Variants in HERC4 observed in about 807,000 individuals in gnomAD.
The protein encoded by HERC4 is HECT and RLD domain containing E3 ubiquitin protein ligase 4.
Under a neutral mutation model 124.3 loss-of-function variants are expected in HERC4, and 28 were observed. The ratio of observed to expected loss-of-function variants is 0.23; its 90% CI spans 0.17 to 0.31. The LOEUF (loss-of-function observed/expected upper bound fraction) is 0.31. Among genes scored for constraint, HERC4 ranks in the 10% least tolerant of loss-of-function variants. The pLI, the probability that HERC4 is intolerant of heterozygous loss-of-function variation, is 1.00. For missense variants in HERC4, 713 were observed against 1,229.3 expected (o/e 0.58, Z 6.28); for synonymous variants, 407 against 421.5 (o/e 0.97, Z 0.42).
intron 15 of HERC4, among the ~76,000 whole-genome samples, chr10:67,971,035 A>G (rs1253104926): frequency 6.6e-6 from 1 of 152,098 alleles, no homozygotes; most frequent in East Asian, 1.9e-4. Context: ...ACAATTTACC[A>G]CTATCAGGAA....
chr10:68,038,597 T>TTC (rs1452445133), intron 4 of HERC4, among the ~76,000 whole-genome samples: 1 of 152,200 alleles, frequency 6.6e-6, no homozygotes, highest in Non-Finnish European at 1.5e-5. Flanking sequence ...TTAATGCACG[T>TTC]TCTCCTTTAT....
chr10:68,064,602 G>GA (rs1338077046), intron 3 of HERC4, among the ~76,000 whole-genome samples: 1 of 144,110 alleles, frequency 6.9e-6, no homozygotes, highest in Non-Finnish European at 1.5e-5. Context: ...AAAAGAAAAA[G>GA]AAAAAAAGAC....
chr10:67,936,858 A>C (rs898025032), intron 21 of HERC4, among the ~76,000 whole-genome samples: 2 of 152,104 alleles, frequency 1.3e-5, no homozygotes, highest in Non-Finnish European at 2.9e-5. Context: ...AAATACTATG[A>C]TGGGAGTGGG....
Position 68,054,988 on chromosome 10 carries a change from T to C in HERC4, c.227-10425A>G, listed in dbSNP as rs542831726. ...CCCAGGCTGGAGTGCAGTGGCACGA[T>C]CTCGGCTCACTGCAACCTCCAGCTC... On this transcript the variant is annotated intron_variant, in intron 3 of 24. Coordinates refer to ENST00000373700, the MANE Select transcript of HERC4 (RefSeq NM_015601.4). 7.3e-4 allele frequency among the ~76,000 whole-genome samples: 111 copies of C among 152,362 alleles called. 1 individual carries two copies. In the South Asian group the frequency reaches 0.014, roughly 19 times the overall value.
chr10:67,960,045 G>A (rs1009254140), intron 16 of HERC4, among the ~76,000 whole-genome samples: 2 of 152,140 alleles, frequency 1.3e-5, no homozygotes, highest in African/African-American at 2.4e-5. Flanking sequence ...TTTGCCTGGC[G>A]CTTTAGCCAC....
At position 68,072,381 on chromosome 10, in the gene HERC4, G is replaced by T. The variant is rs560986722; in HGVS notation, c.226+502C>A. Among the ~76,000 whole-genome samples the T allele has an allele frequency of 1.1e-3, 160 of 152,136 alleles. 1 individual carries two copies. The highest frequency in any genetic ancestry group is 3.5e-3 in the African/African-American group (146 of 41,516). On this transcript the variant is annotated intron_variant, in intron 3 of 24. Transcript: ENST00000373700. ...AAAGTAGAAGATGAGAGGAATAAAA[G>T]ATATTTCTAACTAAATCAAATAAAA...
chr10:67,977,500 G>A (rs1333639520), intron 15 of HERC4, among the ~76,000 whole-genome samples: 2 of 152,116 alleles, frequency 1.3e-5, no homozygotes. Flanking sequence ...TGGCAGCTAT[G>A]GGGCAAGACT....
In HERC4 at chr10:67,940,977, G is replaced by A; in HGVS notation, c.2466C>T (p.Ser822=). ...LYKKLLKKKP[S]LDDLKELMPD... ...GCATTAGTTCTTTCAAATCATCCAA[G>A]GATGGCTTCTTTTTCAGTAGTTTCT... The change falls in exon 20 of 25, where the codon TCC becomes TCT. Residue 822 remains serine (S), a synonymous_variant. Coordinates refer to ENST00000373700, the MANE Select transcript of HERC4 (RefSeq NM_015601.4). 6.2e-7 allele frequency: 1 copy of A among 1,611,030 alleles called. No individual in the cohort carries two copies. The highest frequency in any genetic ancestry group is 1.7e-4 in the Middle Eastern group (1 of 6,050).
chr10:68,071,114 T>C (rs1448753218), intron 3 of HERC4, among the ~76,000 whole-genome samples: 2 of 152,208 alleles, frequency 1.3e-5, no homozygotes, highest in African/African-American at 2.4e-5. Context: ...GAGGCAATCC[T>C]AAAGAGGTAT....
At chr10:67,990,173 A>G (rs779308367) in intron 14 of HERC4, 38 bp downstream of exon 14, 5 of 1,496,366 alleles carry the variant, frequency 3.3e-6, no homozygotes, top group Non-Finnish European at 4.5e-6. Context: ...TCATTTAAAG[A>G]GAAAAGGTTT....
chr10:68,047,458 T>G (rs919061706), intron 3 of HERC4, among the ~76,000 whole-genome samples: 1 of 152,096 alleles, frequency 6.6e-6, no homozygotes, highest in African/African-American at 2.4e-5. Flanking sequence ...GGGAAAACAT[T>G]TGCAAAAGAT....
At chr10:68,068,976 A>C (rs912339324) in intron 3 of HERC4, 2 of 873,722 alleles carry the variant, frequency 2.3e-6, no homozygotes, top group Non-Finnish European at 2.7e-6. Context: ...GTAAAACACA[A>C]AAAACTGTTT....
At chr10:68,015,643 A>G (rs2038218278) in intron 8 of HERC4, among the ~76,000 whole-genome samples, 1 of 152,160 alleles carries the variant, frequency 6.6e-6, no homozygotes, top group African/African-American at 2.4e-5. Flanking sequence ...AGTCTGCTAG[A>G]TTACTACCCT....
At chr10:68,001,188 T>C (rs948969579) in intron 9 of HERC4, among the ~76,000 whole-genome samples, 2 of 151,642 alleles carry the variant, frequency 1.3e-5, no homozygotes, top group African/African-American at 4.8e-5. Flanking sequence ...CTGGGCAACA[T>C]AGTGAGACCC....
At chr10:67,973,318 T>A (rs1255400065) in intron 15 of HERC4, among the ~76,000 whole-genome samples, 2 of 152,162 alleles carry the variant, frequency 1.3e-5, no homozygotes. Context: ...GAGCGGCACA[T>A]GGAGCAAAAC....
intron 3 of HERC4, among the ~76,000 whole-genome samples, chr10:68,060,259 G>A (rs2040934832): frequency 6.6e-6 from 1 of 152,024 alleles, no homozygotes; most frequent in Admixed American, 6.6e-5. Flanking sequence ...GTCTTGCTGT[G>A]TCACCCAGAC....
At chr10:67,941,421 T>TA (rs1276927471) in intron 19 of HERC4, among the ~76,000 whole-genome samples, 12 of 152,220 alleles carry the variant, frequency 7.9e-5, no homozygotes, top group Admixed American at 7.9e-4. Context: ...GTGAAATAAT[T>TA]ACTATAACTT....
At chr10:68,020,456 T>C (rs1198136391) in intron 8 of HERC4, among the ~76,000 whole-genome samples, 1 of 151,042 alleles carries the variant, frequency 6.6e-6, no homozygotes, top group Non-Finnish European at 1.5e-5. Flanking sequence ...GAAATATCAA[T>C]CAAAAAGAAA....
chr10:67,933,598 T>C (rs2032050991), intron 22 of HERC4, among the ~76,000 whole-genome samples: 1 of 152,160 alleles, frequency 6.6e-6, no homozygotes, highest in Non-Finnish European at 1.5e-5. Flanking sequence ...TAAGTTGCCT[T>C]TCAGAACCAA....
Sources: gnomAD v4.1 joint callset for allele counts (sites outside exome capture counted in the v4.1 genomes callset) on GRCh38, gnomAD v4.1.1 for gene constraint, MANE v1.5 for transcripts, NCBI Gene and HGNC (gene_info 2026-07-23, HGNC 2026-07-21) for gene names.